TTC23L: variants seen among roughly 807,000 people sequenced by gnomAD.
TTC23L encodes the protein tetratricopeptide repeat domain 23 like, also known as tetratricopeptide repeat protein 23-like.
Under a neutral mutation model 48.1 loss-of-function variants are expected in TTC23L, and 42 were observed. The observed-to-expected ratio is 0.87, with a 90% CI of 0.68 to 1.13. The LOEUF (loss-of-function observed/expected upper bound fraction) is 1.13. Ranked by LOEUF, TTC23L falls within the 50% of genes most tolerant of loss-of-function variation. The probability of loss-of-function intolerance (pLI) is 0.00; values close to 1 mark genes in which losing one functional copy is unlikely to be tolerated. For synonymous variants in TTC23L, 159 were observed against 157.2 expected (o/e 1.01, Z -0.09); for missense variants, 391 against 421.0 (o/e 0.93, Z 0.62).
At chr5:34,866,823 C>A in intron 6 of TTC23L, 69 bp from the exon 7 acceptor site, 1 of 1,405,928 alleles carries the variant, frequency 7.1e-7, no homozygotes, top group Non-Finnish European at 9.5e-7. Context: ...TTCTTGGAAT[C>A]AGTTCCTTTT....
chr5:34,874,601 T>G (rs1461428698), intron 8 of TTC23L, among the ~76,000 whole-genome samples: 2 of 152,098 alleles, frequency 1.3e-5, no homozygotes, highest in East Asian at 3.9e-4. Context: ...CTCATGCCTG[T>G]AACTCCAGCT....
At chr5:34,918,182 T>TG in the TTC23L span, 1 of 412,812 alleles carries the variant, frequency 2.4e-6, no homozygotes, top group East Asian at 4.0e-5. Context: ...TGGTGGCACA[T>TG]GCCTGTAGTC....
chr5:34,845,524 G>A, exon 3 of TTC23L: 1 of 1,613,826 alleles, frequency 6.2e-7, no homozygotes. Flanking sequence ...CCAGCAAACA[G>A]ATGAGTTGTA....
intron 4 of TTC23L, among the ~76,000 whole-genome samples, chr5:34,851,351 T>C (rs1357645418): frequency 6.6e-6 from 1 of 152,190 alleles, no homozygotes; most frequent in African/African-American, 2.4e-5. Context: ...AAAATTAAAA[T>C]TGAGTTCACT....
chr5:34,884,391 A>G (rs768585742), intron 9 of TTC23L, among the ~76,000 whole-genome samples: 4 of 152,220 alleles, frequency 2.6e-5, no homozygotes, highest in Non-Finnish European at 5.9e-5. Flanking sequence ...TCTATTCAAC[A>G]TAGTACTGGA....
intron 9 of TTC23L, among the ~76,000 whole-genome samples, chr5:34,893,327 C>T (rs180675970): frequency 3.1e-4 from 47 of 152,246 alleles, no homozygotes; most frequent in African/African-American, 1.0e-3. Context: ...ATGGTTTCCA[C>T]TTTGGATATG....
chr5:34,859,625 G>T (rs1376213554), intron 4 of TTC23L, among the ~76,000 whole-genome samples: 15 of 152,004 alleles, frequency 9.9e-5, no homozygotes, highest in Non-Finnish European at 7.4e-5. Context: ...TTCATCATAT[G>T]TGGATGCAGC....
the TTC23L span, chr5:34,915,298 G>C: frequency 3.6e-6 from 1 of 275,048 alleles, no homozygotes; most frequent in African/African-American, 2.2e-5. Context: ...GGCGATGGCG[G>C]GGCGGGCCCG....
the TTC23L span, chr5:34,916,100 G>C: frequency 1.8e-6 from 1 of 552,154 alleles, no homozygotes; most frequent in East Asian, 3.5e-5. Flanking sequence ...TGGAGGCGGC[G>C]GGTTTTAAAA....
chr5:34,910,820 A>G, the TTC23L span, among the ~76,000 whole-genome samples: 2 of 152,174 alleles, frequency 1.3e-5, no homozygotes, highest in Admixed American at 6.5e-5. Context: ...ATTCTGAAAT[A>G]TTTCAAAAAG....
intron 8 of TTC23L, among the ~76,000 whole-genome samples, chr5:34,872,901 A>T (rs186339454): frequency 5.3e-5 from 8 of 152,230 alleles, no homozygotes; most frequent in African/African-American, 1.9e-4. Context: ...CGTTTCTACT[A>T]AAAATACAAA....
the TTC23L span, among the ~76,000 whole-genome samples, chr5:34,924,078 A>C: frequency 2.0e-5 from 3 of 152,216 alleles, no homozygotes; most frequent in African/African-American, 7.2e-5. Flanking sequence ...AGCAAAATGT[A>C]ATTGCTCTAG....
At chr5:34,925,019 C>G in the TTC23L span, 2 of 1,577,966 alleles carry the variant, frequency 1.3e-6, no homozygotes, top group Admixed American at 3.8e-5. Context: ...TACCAGAACC[C>G]TTTGGCCAAA....
At chr5:34,908,987 G>A in the TTC23L span, 5 of 1,513,134 alleles carry the variant, frequency 3.3e-6, no homozygotes, top group African/African-American at 5.6e-5. Flanking sequence ...TATCAACACA[G>A]TGAACACTGC....
chr5:34,871,189 C>T (rs1404025637), intron 8 of TTC23L, among the ~76,000 whole-genome samples: 19 of 151,980 alleles, frequency 1.3e-4, no homozygotes, highest in Admixed American at 1.2e-3. Flanking sequence ...TACAAAAATC[C>T]TAGAACTAAT....
chr5:34,868,784 T>C (rs1761238600), intron 7 of TTC23L, 121 bp from the exon 8 acceptor site: 2 of 772,410 alleles, frequency 2.6e-6, no homozygotes, highest in African/African-American at 1.7e-5. Flanking sequence ...AAGGTGAAAT[T>C]ACTTGCACAA....
exon 2 of TTC23L, chr5:34,840,670 A>C: frequency 2.5e-6 from 4 of 1,613,912 alleles, no homozygotes; most frequent in Non-Finnish European, 3.4e-6. Flanking sequence ...GGTAGGAAGA[A>C]GATGCAAGCC....
chr5:34,863,764 TC>T lies in TTC23L; in HGVS notation c.537-672del, dbSNP rs765022908. On this transcript the variant is annotated intron_variant, in intron 5 of 10. Coordinates refer to ENST00000505624, the Ensembl canonical transcript of TTC23L. The surrounding 1 kb of genome is among the most constrained non-coding windows in gnomAD (Gnocchi z 4.1). ...GGGATTCTGACAGCCTGTTGTACCA[TC>T]TCCACTGGAAAGATGTTAAGGGCAT... is the stretch of plus-strand genomic sequence containing the variant. Among the ~76,000 whole-genome samples the T allele has an allele frequency of 1.3e-5, 2 of 152,134 alleles. No homozygotes were observed. Among genetic ancestry groups the T allele is most frequent in the Non-Finnish European group, 2.9e-5 (2 of 68,038 alleles).
chr5:34,882,788 C>T (rs1762314378), intron 9 of TTC23L, among the ~76,000 whole-genome samples: 1 of 152,068 alleles, frequency 6.6e-6, no homozygotes, highest in South Asian at 2.1e-4. Flanking sequence ...ACCTGTAATC[C>T]CAGCACTTTG....
Sources: allele counts gnomAD v4.1 joint callset (sites outside exome capture counted in the v4.1 genomes callset), GRCh38; gene constraint gnomAD v4.1.1; non-coding constraint Gnocchi (gnomAD v3.1); transcripts MANE v1.5; gene names NCBI Gene and HGNC (gene_info 2026-07-23, HGNC 2026-07-21).